TTK: variants seen among roughly 807,000 people sequenced by gnomAD.
TTK encodes TTK protein kinase, also known as dual specificity protein kinase TTK.
A neutral mutation model predicts 117.3 loss-of-function variants in TTK; 59 were observed. That is an observed-to-expected ratio of 0.50 (90% CI 0.41 to 0.62). The LOEUF (loss-of-function observed/expected upper bound fraction) is 0.62. Ranked by LOEUF, TTK falls within the 20% of genes least tolerant of loss-of-function variation. TTK has a pLI of 0.00. For synonymous variants in TTK, 302 were observed against 325.0 expected (o/e 0.93, Z 0.76); for missense variants, 921 against 989.4 (o/e 0.93, Z 0.93).
chr6:80,040,776 G>A, intron 21 of TTK, 73 bp downstream of exon 21: 1 of 1,442,790 alleles, frequency 6.9e-7, no homozygotes, highest in Non-Finnish European at 9.5e-7. Flanking sequence ...GAAACAGGTA[G>A]TCTGAAGAAA....
intron 16 of TTK, 60 bp downstream of exon 16, chr6:80,035,477 G>C (rs948954156): frequency 4.0e-6 from 6 of 1,484,200 alleles, no homozygotes; most frequent in Non-Finnish European, 5.4e-6. Context: ...TGTCATCTTA[G>C]AGAAATATAC....
chr6:80,030,784 A>G (rs940397396), intron 13 of TTK, among the ~76,000 whole-genome samples: 2 of 152,210 alleles, frequency 1.3e-5, no homozygotes, highest in Non-Finnish European at 1.5e-5. Context: ...GATCCAAACC[A>G]TATCAGGGAC....
At chr6:80,040,003 A>G in intron 19 of TTK, 131 bp downstream of exon 19, 1 of 1,021,838 alleles carries the variant, frequency 9.8e-7, no homozygotes, top group Non-Finnish European at 1.3e-6. Context: ...TTTTACTTTG[A>G]AGATGTTTTA....
At chr6:80,026,628 C>A in intron 12 of TTK, 114 bp downstream of exon 12, 1 of 1,418,648 alleles carries the variant, frequency 7.0e-7, no homozygotes, top group South Asian at 1.3e-5. Context: ...AAAGACTTTC[C>A]ATCTTCATAT....
At position 80,040,746 on chromosome 6, in the gene TTK, T is replaced by G. The variant is rs747750862; in HGVS notation, c.2490+43T>G. ...TTACATTAATTTTTACTGTTTTATA[T>G]AGTGAATTCGACACTTAAGGAAACA... On this transcript the variant is annotated intron_variant, in intron 21 of 21. Coordinates refer to ENST00000369798, the MANE Select transcript of TTK (RefSeq NM_003318.5). 1.9e-6 allele frequency: 3 copies of G among 1,568,038 alleles called. No homozygotes were observed. In the Admixed American group the frequency reaches 5.5e-5, roughly 29 times the overall value.
chr6:80,032,148 A>C (rs1483632268), intron 14 of TTK, among the ~76,000 whole-genome samples: 3 of 152,188 alleles, frequency 2.0e-5, no homozygotes, highest in Admixed American at 6.6e-5. Context: ...TTTTGCCTTC[A>C]TCACTCACCA....
In TTK at chr6:80,011,725, T is replaced by C; in HGVS notation, c.729-4T>C. 1 of 1,612,350 alleles carries C rather than the reference T, an allele frequency of 6.2e-7. No individual in the cohort carries two copies. The highest frequency in any genetic ancestry group is 8.5e-7 in the Non-Finnish European group (1 of 1,179,070). ...AAAATTGGGGGTATTTTCTTTCTGT[T>C]TAGAGAGAACATGCCACCACAAGAT... On this transcript the variant is annotated splice_polypyrimidine_tract_variant and splice_region_variant and intron_variant, in intron 6 of 21. Coordinates refer to ENST00000369798, the MANE Select transcript of TTK (RefSeq NM_003318.5).
At chr6:80,019,723 T>A (rs1185873651) in intron 10 of TTK, among the ~76,000 whole-genome samples, 1 of 152,164 alleles carries the variant, frequency 6.6e-6, no homozygotes, top group Non-Finnish European at 1.5e-5. Context: ...ACCACCAATC[T>A]AAATTAAATT....
chr6:80,040,391 CT>C, intron 20 of TTK, 111 bp downstream of exon 20: 5 of 1,007,608 alleles, frequency 5.0e-6, no homozygotes, highest in Admixed American at 3.2e-5. Context: ...GTCAGCCTGC[CT>C]TTTTCCTTAA....
At chr6:80,011,400 T>A (rs1293101147) in intron 5 of TTK, 34 bp from the exon 6 acceptor site, 3 of 1,421,706 alleles carry the variant, frequency 2.1e-6, no homozygotes, top group Non-Finnish European at 2.9e-6. Flanking sequence ...TCTTATTTCT[T>A]ATAAATTTAA....
intron 9 of TTK, among the ~76,000 whole-genome samples, chr6:80,013,816 T>C (rs1453262574): frequency 6.6e-6 from 1 of 152,062 alleles, no homozygotes; most frequent in East Asian, 1.9e-4. Flanking sequence ...CAGAGCAACT[T>C]TGTGTGGACT....
intron 14 of TTK, among the ~76,000 whole-genome samples, chr6:80,034,232 G>GT (rs1767832824): frequency 6.6e-6 from 1 of 152,110 alleles, no homozygotes; most frequent in Non-Finnish European, 1.5e-5. Flanking sequence ...GCTATTGAGA[G>GT]TATCTAGAAC....
chr6:80,018,440 ACCCC>A (rs931408535), intron 10 of TTK, among the ~76,000 whole-genome samples: 2 of 142,966 alleles, frequency 1.4e-5, no homozygotes. Flanking sequence ...GTGTGGTGAA[ACCCC>A]ATCTCTGCTA....
rs940005678 is a variant in TTK at position 80,039,723 on chromosome 6, T to C, written c.2158T>C (p.Leu720=). 5 of 1,549,322 alleles carry C rather than the reference T, an allele frequency of 3.2e-6. No homozygotes were observed. Among genetic ancestry groups the C allele is most frequent in the Non-Finnish European group, 3.5e-6 (4 of 1,152,066 alleles). ...KISPKSDVWS[L]GCILYYMTYG... ...AAGCCCCAAAAGTGATGTTTGGTCCTTAGGATGTATTTTGTACTATATGAC... is the reference window on the plus strand; with the variant it reads ...AAGCCCCAAAAGTGATGTTTGGTCCCTAGGATGTATTTTGTACTATATGAC... The change falls in exon 19 of 22, where the codon TTA becomes CTA. Residue 720 remains leucine (L), a synonymous_variant. Transcript: ENST00000369798.
At chr6:80,024,692 C>T (rs1011203137) in intron 11 of TTK, among the ~76,000 whole-genome samples, 2 of 152,114 alleles carry the variant, frequency 1.3e-5, no homozygotes, top group Admixed American at 1.3e-4. Flanking sequence ...GGTTGCACAG[C>T]TGTGAACCAC....
Position 80,040,605 on chromosome 6 carries a change from G to T in TTK, c.2393-1G>T. 6.2e-7 allele frequency: 1 copy of T among 1,610,660 alleles called. No homozygotes were observed. Among genetic ancestry groups the T allele is most frequent in the South Asian group, 1.1e-5 (1 of 90,742 alleles). The stretch of plus-strand genomic sequence containing the variant: ...TAGTGTATTATTGATTTATTTTATA[G>T]TTAACCAAATGGCCAAGGGAACCAC... On this transcript the variant is annotated splice_acceptor_variant, in intron 20 of 21. Coordinates refer to ENST00000369798, the MANE Select transcript of TTK (RefSeq NM_003318.5). LOFTEE classifies it high-confidence loss of function.
In TTK at chr6:80,007,858, G is replaced by C; in HGVS notation, c.189G>C (p.Glu63Asp). ...TTATGATGATGGCAAACAACCCAGA[G>C]GACTGGTTGAGTTTGTTGCTCAAAC... ...NQIMMMANNP[E>D]DWLSLLLKLE... is the part of the protein sequence containing the mutation. The change falls in exon 3 of 22, where the codon GAG (glutamate) becomes GAC (aspartate). Residue 63 changes from glutamate (E) to aspartate (D), a missense_variant. Glu to Asp is a conservative substitution (Grantham distance 45). Coordinates refer to ENST00000369798, the MANE Select transcript of TTK (RefSeq NM_003318.5). The C allele has an allele frequency of 6.2e-7, 1 of 1,613,294 alleles. No homozygotes were observed. The highest frequency in any genetic ancestry group is 1.1e-5 in the South Asian group (1 of 91,032).
At chr6:80,027,270 A>G (rs12529133) in intron 12 of TTK, among the ~76,000 whole-genome samples, 18,663 of 152,184 alleles carry the variant, frequency 0.12, 1,432 homozygotes, top group South Asian at 0.17. Flanking sequence ...TAGTTTTACT[A>G]TATATTGCCT....
intron 12 of TTK, among the ~76,000 whole-genome samples, chr6:80,027,150 A>C: frequency 6.6e-6 from 1 of 152,138 alleles, no homozygotes; most frequent in South Asian, 2.1e-4. Context: ...GTCTTAGGGG[A>C]TAGCTTAAAT....
Sources: gnomAD v4.1 joint callset for allele counts (sites outside exome capture counted in the v4.1 genomes callset) on GRCh38, gnomAD v4.1.1 for gene constraint, MANE v1.5 for transcripts, NCBI Gene and HGNC (gene_info 2026-07-23, HGNC 2026-07-21) for gene names.